DOCK9: variants seen among roughly 807,000 people sequenced by gnomAD.
DOCK9 encodes the protein dedicator of cytokinesis 9, also known as dedicator of cytokinesis protein 9.
DOCK9 carries 89 observed loss-of-function variants against 263.3 expected under a neutral mutation model. The ratio of observed to expected loss-of-function variants is 0.34; its 90% CI spans 0.28 to 0.40. The LOEUF (loss-of-function observed/expected upper bound fraction) is 0.40, where lower values mean the gene tolerates loss of function less well. DOCK9 is among the 10% of genes least tolerant of loss of function. The pLI is 1.00. For synonymous variants in DOCK9, 976 were observed against 973.1 expected (o/e 1.00, Z -0.06); for missense variants, 2,140 against 2,603.4 (o/e 0.82, Z 3.87).
At chr13:98,819,991 AAC>A (rs1355224710) in intron 45 of DOCK9, among the ~76,000 whole-genome samples, 3 of 152,246 alleles carry the variant, frequency 2.0e-5, no homozygotes, top group Non-Finnish European at 4.4e-5. Context: ...TCTGTAAAAC[AAC>A]AGTTTTGTGT....
At chr13:98,986,630 T>C (rs1878523930) in intron 1 of DOCK9, among the ~76,000 whole-genome samples, 2 of 152,226 alleles carry the variant, frequency 1.3e-5, no homozygotes, top group Non-Finnish European at 2.9e-5. Flanking sequence ...GCAAAGATGA[T>C]GTATCCCTTT....
intron 7 of DOCK9, among the ~76,000 whole-genome samples, chr13:98,917,034 C>G (rs1317848217): frequency 6.6e-6 from 1 of 152,086 alleles, no homozygotes; most frequent in Admixed American, 6.6e-5. Context: ...TTATTTTACT[C>G]TTTTGAAGCC....
chr13:98,832,459 A>C (rs1475003484), intron 39 of DOCK9, among the ~76,000 whole-genome samples: 1 of 152,212 alleles, frequency 6.6e-6, no homozygotes, highest in Non-Finnish European at 1.5e-5. Context: ...CTAGCTCAGT[A>C]GGTGGCATCT....
chr13:98,888,149 A>G lies in DOCK9; in HGVS notation c.2043+9T>C. On this transcript the variant is annotated intron_variant, in intron 18 of 52. Transcript: ENST00000682017. ...TTCGTAGGTGAACATATATTAAAAAAAAACAAACCTTAAGGGGCTGAGAGT... is the reference window on the plus strand; with the variant it reads ...TTCGTAGGTGAACATATATTAAAAAGAAACAAACCTTAAGGGGCTGAGAGT... 7 of 1,580,514 alleles carry G rather than the reference A, an allele frequency of 4.4e-6. No homozygotes were observed. The highest frequency in any genetic ancestry group is 6.0e-6 in the Non-Finnish European group (7 of 1,166,032).
intron 27 of DOCK9, among the ~76,000 whole-genome samples, chr13:98,876,270 T>A (rs1221774017): frequency 6.6e-6 from 1 of 152,126 alleles, no homozygotes; most frequent in African/African-American, 2.4e-5. Flanking sequence ...GGTGGGTGGG[T>A]CACCTGAGGT....
chr13:99,001,837 A>G (rs998122538), intron 1 of DOCK9, among the ~76,000 whole-genome samples: 1 of 152,142 alleles, frequency 6.6e-6, no homozygotes, highest in African/African-American at 2.4e-5. Context: ...TGGTATTTGT[A>G]ATTTTCTATT....
At chr13:98,962,585 T>C (rs1197619930) in intron 1 of DOCK9, among the ~76,000 whole-genome samples, 2 of 150,898 alleles carry the variant, frequency 1.3e-5, no homozygotes, top group South Asian at 2.1e-4. Flanking sequence ...ACACATATTA[T>C]AATAAATAGA....
In DOCK9 at chr13:98,946,706, C is replaced by T. The variant is rs570837410; in HGVS notation, c.243+8729G>A. On this transcript the variant is annotated intron_variant, in intron 2 of 52. Coordinates refer to ENST00000682017, the MANE Select transcript of DOCK9 (RefSeq NM_001366683.2). ...CTTTCCCAATCCTGGTAAAACCTCCCGCAGACCTTGTCACTGCTCTGAGCC... is the reference window on the plus strand; with the variant it reads ...CTTTCCCAATCCTGGTAAAACCTCCTGCAGACCTTGTCACTGCTCTGAGCC... Among the ~76,000 whole-genome samples the T allele has an allele frequency of 5.9e-5, 9 of 152,288 alleles. No individual in the cohort carries two copies. The South Asian group carries it at 1.7e-3, about 28-fold the overall frequency.
At chr13:99,068,685 C>A (rs182158744) in intron 1 of DOCK9, among the ~76,000 whole-genome samples, 8 of 151,380 alleles carry the variant, frequency 5.3e-5, no homozygotes, top group Admixed American at 3.3e-4. Context: ...AAAAAAAAAT[C>A]ATTTAACAGC....
chr13:99,052,553 T>C (rs941548681), intron 1 of DOCK9, among the ~76,000 whole-genome samples: 4 of 152,172 alleles, frequency 2.6e-5, no homozygotes, highest in African/African-American at 4.8e-5. Flanking sequence ...TGTTGGCCAC[T>C]TGTATGTCTT....
intron 2 of DOCK9, among the ~76,000 whole-genome samples, chr13:98,950,714 ATTCTTACTAC>A (rs1267702006): frequency 6.6e-6 from 1 of 152,222 alleles, no homozygotes; most frequent in African/African-American, 2.4e-5. Flanking sequence ...GTCTCCCAAC[ATTCTTACTAC>A]TCACTACCTT....
chr13:98,994,625 T>C (rs1880590147), intron 1 of DOCK9, among the ~76,000 whole-genome samples: 1 of 152,118 alleles, frequency 6.6e-6, no homozygotes, highest in African/African-American at 2.4e-5. Flanking sequence ...TACTCATATA[T>C]AATCAGATAT....
intron 1 of DOCK9, among the ~76,000 whole-genome samples, chr13:98,958,213 G>A (rs1409859295): frequency 1.3e-5 from 2 of 152,230 alleles, no homozygotes; most frequent in East Asian, 3.9e-4. Flanking sequence ...CCAGGAAGCT[G>A]CACTGGCATC....
rs1017201462 is a variant in DOCK9 at position 98,881,698 on chromosome 13, T to G, written c.2676-71A>C. On this transcript the variant is annotated intron_variant, in intron 24 of 52. Coordinates refer to ENST00000682017, the MANE Select transcript of DOCK9 (RefSeq NM_001366683.2). ...AAACATTTCATTATTATCACAGCAG[T>G]AGTAGAACAATGATGATGCTATCAG... 4.8e-6 allele frequency: 7 copies of G among 1,458,948 alleles called. No individual in the cohort carries two copies. The South Asian group carries it at 8.6e-5, about 18-fold the overall frequency. The allele number at this position is 1,458,948 out of a possible 1,614,324, so 90.4% of individuals were successfully genotyped here. A position where few individuals can be genotyped will look rare whatever the true frequency, so the allele number is the denominator to read the frequency against.
intron 2 of DOCK9, among the ~76,000 whole-genome samples, chr13:98,945,778 C>T (rs1333038697): frequency 6.6e-6 from 1 of 152,166 alleles, no homozygotes; most frequent in Non-Finnish European, 1.5e-5. Flanking sequence ...GTTCTACATG[C>T]TTAAAAACTA....
intron 7 of DOCK9, among the ~76,000 whole-genome samples, chr13:98,919,116 C>CTTTT (rs10640842): frequency 6.7e-6 from 1 of 148,184 alleles, no homozygotes; most frequent in Non-Finnish European, 1.5e-5. Flanking sequence ...GGCTGTTTCT[C>CTTTT]TTTTTTTTTT....
intron 39 of DOCK9, 23 bp from the exon 40 acceptor site, chr13:98,831,809 T>C: frequency 1.9e-6 from 3 of 1,611,266 alleles, no homozygotes; most frequent in Non-Finnish European, 2.5e-6. Flanking sequence ...ATTGACGGCT[T>C]TGTTAGACAT....
chr13:99,081,876 C>T (rs535107851), intron 1 of DOCK9, among the ~76,000 whole-genome samples: 1 of 152,296 alleles, frequency 6.6e-6, no homozygotes, highest in Admixed American at 6.5e-5. Context: ...TCCTTCATTA[C>T]CAAACATTAT....
chr13:99,019,963 A>T (rs187526765), intron 1 of DOCK9, among the ~76,000 whole-genome samples: 77 of 152,276 alleles, frequency 5.1e-4, no homozygotes, highest in African/African-American at 1.8e-3. Flanking sequence ...CTGGCCAGGC[A>T]TGGTGGTGTG....
Sources: allele counts gnomAD v4.1 joint callset (sites outside exome capture counted in the v4.1 genomes callset), GRCh38; gene constraint gnomAD v4.1.1; transcripts MANE v1.5; gene names NCBI Gene and HGNC (gene_info 2026-07-23, HGNC 2026-07-21).